MRPL9: variants seen among roughly 807,000 people sequenced by gnomAD.
MRPL9 encodes large ribosomal subunit protein bL9m.
A neutral mutation model predicts 27.6 loss-of-function variants in MRPL9; 25 were observed. The observed-to-expected ratio is 0.91, with a 90% CI of 0.66 to 1.27. MRPL9 has a LOEUF of 1.27. Ranked by LOEUF, MRPL9 falls within the 50% of genes most tolerant of loss-of-function variation. The probability of loss-of-function intolerance (pLI) is 0.00; values close to 1 mark genes in which losing one functional copy is unlikely to be tolerated. For synonymous variants in MRPL9, 154 were observed against 139.0 expected (o/e 1.11, Z -0.76); for missense variants, 362 against 338.0 (o/e 1.07, Z -0.56).
intron 4 of MRPL9, chr1:151,761,822 C>G: frequency 3.4e-6 from 2 of 586,852 alleles, no homozygotes; most frequent in Non-Finnish European, 6.1e-6. Context: ...TTCTCTCCAA[C>G]TTGTACGTAA....
At chr1:151,763,279 A>C (rs540324833) in intron 1 of MRPL9, 48 bp downstream of exon 1, 1 of 1,560,854 alleles carries the variant, frequency 6.4e-7, no homozygotes, top group East Asian at 2.4e-5. Flanking sequence ...GCGCCTCCAG[A>C]AACAATACTC....
chr1:151,761,993 T>C (rs1648105909), intron 4 of MRPL9, 112 bp downstream of exon 4: 3 of 1,074,144 alleles, frequency 2.8e-6, no homozygotes, highest in Non-Finnish European at 2.9e-6. Context: ...ACACTTCCCC[T>C]TTCTCCCACT....
intron 5 of MRPL9, 126 bp from the exon 6 acceptor site, chr1:151,761,025 T>C (rs1648049564): frequency 1.2e-6 from 1 of 809,682 alleles, no homozygotes; most frequent in Non-Finnish European, 1.9e-6. Flanking sequence ...AAAACTGGGG[T>C]GTCTACTCTG....
intron 4 of MRPL9, chr1:151,761,828 C>T (rs78124358): frequency 0.01 from 5,992 of 586,378 alleles, 60 homozygotes; most frequent in Non-Finnish European, 0.015. Context: ...CCAACTTGTA[C>T]GTAAATATCC....
At chr1:151,761,011 GAAT>G in intron 5 of MRPL9, 112 bp from the exon 6 acceptor site, 2 of 943,790 alleles carry the variant, frequency 2.1e-6, no homozygotes, top group South Asian at 3.7e-5. Context: ...GCACAGGGAT[GAAT>G]AAAACTGGGG....
chr1:151,762,989 C>G lies in MRPL9; in HGVS notation c.310+1G>C. The G allele has an allele frequency of 6.2e-7, 1 of 1,613,962 alleles. No homozygotes were observed. Reference sequence around the variant, plus strand: ...AGGAAGCGCCTCGGCCCGGGCCTTACTCTCCACCGACTGCGTCAGGATGAG... The same window carrying G: ...AGGAAGCGCCTCGGCCCGGGCCTTAGTCTCCACCGACTGCGTCAGGATGAG... On this transcript the variant is annotated splice_donor_variant, in intron 2 of 6. Coordinates refer to ENST00000368830, the MANE Select transcript of MRPL9 (RefSeq NM_031420.4). LOFTEE classifies it high-confidence loss of function.
At chr1:151,762,078 A>G (rs901556888) in intron 4 of MRPL9, 27 bp downstream of exon 4, 2 of 1,599,366 alleles carry the variant, frequency 1.3e-6, no homozygotes, top group African/African-American at 3.2e-5. Context: ...CTTGTGACAA[A>G]TAAACACTTT....
At chr1:151,761,044 C>A in intron 5 of MRPL9, 145 bp from the exon 6 acceptor site, 1 of 679,958 alleles carries the variant, frequency 1.5e-6, no homozygotes, top group Non-Finnish European at 2.4e-6. Context: ...TGGCTGATTC[C>A]ATGGGAGAGA....
Position 151,760,847 on chromosome 1 carries a change from G to GTGAT in MRPL9, c.637_640dup (p.Thr214AsnfsTer10), listed in dbSNP as rs1648030486. 1.3e-6 allele frequency: 2 copies of GTGAT among 1,584,238 alleles called. No individual in the cohort carries two copies. Among genetic ancestry groups the GTGAT allele is most frequent in the East Asian group, 2.3e-5 (1 of 43,884 alleles). On this transcript the variant is annotated frameshift_variant, in exon 6 of 7. Coordinates refer to ENST00000368830, the MANE Select transcript of MRPL9 (RefSeq NM_031420.4). LOFTEE classifies it low-confidence loss of function (END_TRUNC). ...CTCACACCAATACTCGCCCCACCGT[G>GTGAT]TGATAGGCTCTTCTGGTAACTTTAA... is the stretch of plus-strand genomic sequence containing the variant.
chr1:151,762,529 T>C (rs775151117), intron 2 of MRPL9, 29 bp from the exon 3 acceptor site: 7 of 1,611,250 alleles, frequency 4.3e-6, no homozygotes, highest in Middle Eastern at 1.7e-4. Flanking sequence ...ACAGGGGAAT[T>C]AGAACCATCT....
In MRPL9 at chr1:151,760,843, C is replaced by T. The variant is rs777547766; in HGVS notation, c.645G>A (p.Arg215=). 1.0e-5 allele frequency: 16 copies of T among 1,593,376 alleles called. No homozygotes were observed. The highest frequency in any genetic ancestry group is 1.4e-5 in the Non-Finnish European group (16 of 1,174,496). The change falls in exon 6 of 7, where the codon CGG becomes CGA. Residue 215 remains arginine (R), a synonymous_variant. Coordinates refer to ENST00000368830, the MANE Select transcript of MRPL9 (RefSeq NM_031420.4). ...TLKLPEEPIT[R]WGEYWCEVTV... is the part of the protein sequence containing the mutation. Reference sequence around the variant, plus strand: ...TCACCTCACACCAATACTCGCCCCACCGTGTGATAGGCTCTTCTGGTAACT... The same window carrying T: ...TCACCTCACACCAATACTCGCCCCATCGTGTGATAGGCTCTTCTGGTAACT...
intron 2 of MRPL9, 159 bp from the exon 3 acceptor site, chr1:151,762,659 A>G: frequency 1.3e-6 from 1 of 751,900 alleles, no homozygotes; most frequent in Non-Finnish European, 2.1e-6. Flanking sequence ...AGAGACTGCT[A>G]ATTAGTTTCT....
rs1445829649 is a variant in MRPL9, at chr1:151,760,913, A to AT, written c.589-15_589-14insA. 39 of 1,550,122 alleles carry AT rather than the reference A, an allele frequency of 2.5e-5. No individual in the cohort carries two copies. The African/African-American group carries it at 4.9e-4, about 20-fold the overall frequency. ...CACAACACCAAGCTGCAAAAAAAAA[A>AT]AAAAAAAAAAAAATCTCAGCTCAAA... On this transcript the variant is annotated splice_polypyrimidine_tract_variant and intron_variant, in intron 5 of 6. Coordinates refer to ENST00000368830, the MANE Select transcript of MRPL9 (RefSeq NM_031420.4).
rs1325918280 is a variant in MRPL9 at position 151,762,573 on chromosome 1, AGCACCTCTTAG to A, written c.311-84_311-74del. ...CTAAAGAAAAGATGTCAAAAAGAGAAGCACCTCTTAGTTTCTCACAGTGCTTATTTTTCCTA... is the reference window on the plus strand; with the variant it reads ...CTAAAGAAAAGATGTCAAAAAGAGAATTTCTCACAGTGCTTATTTTTCCTA... On this transcript the variant is annotated intron_variant, in intron 2 of 6. Coordinates refer to ENST00000368830, the MANE Select transcript of MRPL9 (RefSeq NM_031420.4). 3 of 1,480,208 alleles carry A rather than the reference AGCACCTCTTAG, an allele frequency of 2.0e-6. No homozygotes were observed. The East Asian group carries it at 6.8e-5, about 34-fold the overall frequency. 91.7% of individuals were successfully genotyped at this position (1,480,208 alleles called of 1,614,324 possible). A position where few individuals can be genotyped will look rare whatever the true frequency, so the allele number is the denominator to read the frequency against.
Position 151,762,186 on chromosome 1 carries a change from TA to T in MRPL9, c.436-32del, listed in dbSNP as rs780680321. The T allele has an allele frequency of 1.4e-5, 23 of 1,612,374 alleles. No homozygotes were observed. The East Asian group carries it at 4.9e-4, about 34-fold the overall frequency. ...AAAGAAAGTTAAAGATGAAAAGCAG[TA>T]AAAGAAAAATGAGCCCATGTTAAAT... On this transcript the variant is annotated intron_variant, in intron 3 of 6. Transcript: ENST00000368830.
chr1:151,762,120 G>A lies in MRPL9; in HGVS notation c.471C>T (p.Thr157=), dbSNP rs750181972. The change falls in exon 4 of 7, where the codon ACC becomes ACT. Residue 157 remains threonine, a synonymous_variant. Transcript: ENST00000368830. ...RQEGKLEKIQ[T]KAGEATVKFL... ...TTCTACTCACCGCCTCACCTGCCTT[G>A]GTCTGGATCTTCTCTAATTTTCCTT... The A allele has an allele frequency of 1.2e-6, 2 of 1,614,108 alleles. No individual in the cohort carries two copies. The highest frequency in any genetic ancestry group is 1.7e-6 in the Non-Finnish European group (2 of 1,179,994).
At chr1:151,760,926 A>AAAAAAC in intron 5 of MRPL9, 27 bp from the exon 6 acceptor site, 2 of 1,419,298 alleles carry the variant, frequency 1.4e-6, no homozygotes, top group South Asian at 1.3e-5. Context: ...AAAAAAAAAA[A>AAAAAAC]TCTCAGCTCA....
In MRPL9 at chr1:151,762,488, C is replaced by T. The variant is rs772538830; in HGVS notation, c.323G>A (p.Arg108Gln). The part of the protein sequence containing the change: ...LTQSVENVGV[R>Q]GDLVSVKKSL... ...TTTCTTCACTGAGACCAGGTCACCC[C>T]GGACTCCAACATCTGTCAATTAGAA... is the stretch of plus-strand genomic sequence containing the variant. The change falls in exon 3 of 7, where the codon CGG (arginine) becomes CAG (glutamine). Residue 108 changes from arginine to glutamine, a missense_variant. By Grantham distance (43) the Arg-to-Gln change is conservative. Transcript: ENST00000368830. 8.1e-6 allele frequency: 13 copies of T among 1,613,844 alleles called. No homozygotes were observed. In the South Asian group the frequency reaches 9.9e-5, roughly 12 times the overall value.
intron 6 of MRPL9, 57 bp downstream of exon 6, chr1:151,760,759 G>T: frequency 6.8e-7 from 1 of 1,469,684 alleles, no homozygotes; most frequent in Admixed American, 2.3e-5. Context: ...GGAAAAAAAG[G>T]AAAAAGTGGG....
Sources: allele counts gnomAD v4.1 joint callset, GRCh38; gene constraint gnomAD v4.1.1; transcripts MANE v1.5; gene names NCBI Gene and HGNC (gene_info 2026-07-23, HGNC 2026-07-21).